The following CPS1 variants were observed in gnomAD, a reference collection of about 807,000 sequenced individuals.
The protein encoded by CPS1 is carbamoyl-phosphate synthase [ammonia], mitochondrial.
A neutral mutation model predicts 174.6 loss-of-function variants in CPS1; 109 were observed. The ratio of observed to expected loss-of-function variants is 0.62; its 90% CI spans 0.53 to 0.73. CPS1 has a LOEUF of 0.73. CPS1 is among the 30% of genes least tolerant of loss of function. The pLI, the probability that CPS1 is intolerant of heterozygous loss-of-function variation, is 0.00. For missense variants in CPS1, 1,689 were observed against 1,821.9 expected (o/e 0.93, Z 1.33); for synonymous variants, 637 against 632.0 (o/e 1.01, Z -0.12).
intron 1 of CPS1, among the ~76,000 whole-genome samples, chr2:210,512,171 C>G (rs1421969659): frequency 6.6e-6 from 1 of 151,986 alleles, no homozygotes; most frequent in African/African-American, 2.4e-5. Context: ...TTTATGTGTG[C>G]AAATATTTAC....
intron 1 of CPS1, among the ~76,000 whole-genome samples, chr2:210,508,914 G>A (rs904669116): frequency 1.7e-4 from 26 of 152,102 alleles, no homozygotes; most frequent in Non-Finnish European, 3.1e-4. Context: ...AAAAAGTCCG[G>A]GACCAGACAG....
At chr2:210,664,029 G>A (rs139891812) in intron 33 of CPS1, among the ~76,000 whole-genome samples, 1 of 152,174 alleles carries the variant, frequency 6.6e-6, no homozygotes, top group African/African-American at 2.4e-5. Context: ...TTACAAGCAA[G>A]ATCTGTGATG....
intron 21 of CPS1, among the ~76,000 whole-genome samples, chr2:210,630,103 A>AC (rs1553515509): frequency 1.3e-5 from 2 of 151,370 alleles, no homozygotes; most frequent in Non-Finnish European, 2.9e-5. Context: ...AAAAAAAAAA[A>AC]ACAAAACCAT....
intron 27 of CPS1, among the ~76,000 whole-genome samples, chr2:210,649,993 G>A (rs927525019): frequency 1.3e-5 from 2 of 152,194 alleles, no homozygotes; most frequent in Non-Finnish European, 2.9e-5. Context: ...ACAGGTTAGG[G>A]AAATCAGGTT....
chr2:210,613,068 G>T (rs1030014445), intron 20 of CPS1, among the ~76,000 whole-genome samples: 1 of 151,806 alleles, frequency 6.6e-6, no homozygotes, highest in Non-Finnish European at 1.5e-5. Context: ...GTATCAAACC[G>T]CACTGGTTCT....
intron 24 of CPS1, 129 bp downstream of exon 24, chr2:210,640,188 G>T: frequency 3.0e-6 from 2 of 667,460 alleles, no homozygotes; most frequent in Non-Finnish European, 5.0e-6. Context: ...AAATTAGGAA[G>T]CTGGGGTTCA....
intron 6 of CPS1, 112 bp from the exon 7 acceptor site, chr2:210,587,946 C>T: frequency 1.1e-6 from 1 of 947,392 alleles, no homozygotes; most frequent in Non-Finnish European, 1.7e-6. Flanking sequence ...TAGTAGTTAA[C>T]AATCAATCTG....
chr2:210,486,125 C>T (rs1271676466), intron 1 of CPS1, among the ~76,000 whole-genome samples: 3 of 92,918 alleles, frequency 3.2e-5, no homozygotes, highest in South Asian at 7.4e-4. Flanking sequence ...TACACACACA[C>T]ACACACACAC....
chr2:210,514,294 A>G (rs1228845071), intron 1 of CPS1, among the ~76,000 whole-genome samples: 1 of 152,006 alleles, frequency 6.6e-6, no homozygotes, highest in East Asian at 1.9e-4. Context: ...TTTTAATAAT[A>G]TTGATTCTTC....
chr2:210,628,875 ATATATT>A (rs1364698648), intron 21 of CPS1, among the ~76,000 whole-genome samples: 1 of 152,302 alleles, frequency 6.6e-6, no homozygotes, highest in East Asian at 1.9e-4. Context: ...ATATATTGAA[ATATATT>A]TATATATTTG....
chr2:210,558,996 A>C (rs977216699), intron 1 of CPS1, among the ~76,000 whole-genome samples: 1 of 152,112 alleles, frequency 6.6e-6, no homozygotes, highest in African/African-American at 2.4e-5. Context: ...ACTTCACAAT[A>C]GTGAATTAAA....
rs1182388031 is a variant in CPS1 at position 210,608,012 on chromosome 2, A to G, written c.2193-349A>G. Among the ~76,000 whole-genome samples, 3 of 152,006 alleles carry G rather than the reference A, an allele frequency of 2.0e-5. No individual in the cohort carries two copies. The East Asian group carries it at 5.9e-4, about 30-fold the overall frequency. On this transcript the variant is annotated intron_variant, in intron 18 of 37. Coordinates refer to ENST00000233072, the MANE Select transcript of CPS1 (RefSeq NM_001875.5). ...CAGATATGTATATATTTTCTCAAAA[A>G]ATATTTTGCAGATTCTCATCTTAGT...
In CPS1 at chr2:210,660,526, T is replaced by A. The variant is rs1375568844; in HGVS notation, c.3798T>A (p.Phe1266Leu). 6.2e-7 allele frequency: 1 copy of A among 1,614,166 alleles called. No individual in the cohort carries two copies. The highest frequency in any genetic ancestry group is 2.2e-5 in the East Asian group (1 of 44,866). The stretch of plus-strand genomic sequence containing the variant: ...TGAGAGCTTCTCGATCCTTCCCCTT[T>A]GTTTCCAAGACTCTTGGGGTTGACT... ...CNLRASRSFP[F>L]VSKTLGVDFI... Residue 1266 changes from phenylalanine (F) to leucine (L), a missense_variant, in exon 32 of 38, where the codon TTT becomes TTA. Coordinates refer to ENST00000233072, the MANE Select transcript of CPS1 (RefSeq NM_001875.5).
At chr2:210,489,009 A>G (rs1393124122) in intron 1 of CPS1, among the ~76,000 whole-genome samples, 2 of 152,170 alleles carry the variant, frequency 1.3e-5, no homozygotes, top group East Asian at 3.9e-4. Flanking sequence ...TAGAGGTACA[A>G]TAGATTATTA....
intron 25 of CPS1, 31 bp downstream of exon 25, chr2:210,642,696 AAAG>A (rs1700267134): frequency 6.3e-7 from 1 of 1,593,410 alleles, no homozygotes; most frequent in African/African-American, 1.3e-5. Context: ...AAAAAAGAAA[AAAG>A]AAGACAGATA....
At chr2:210,497,893 C>CATATAT (rs59178446) in intron 1 of CPS1, among the ~76,000 whole-genome samples, 1,712 of 86,796 alleles carry the variant, frequency 0.02, 112 homozygotes, top group East Asian at 0.19. Context: ...TATATACATA[C>CATATAT]ATATATATAT....
At chr2:210,528,562 A>AGAAGG (rs1046341032) in intron 1 of CPS1, among the ~76,000 whole-genome samples, 2 of 151,940 alleles carry the variant, frequency 1.3e-5, no homozygotes, top group African/African-American at 4.8e-5. Context: ...GGTAGCTCAA[A>AGAAGG]GAAGGGCTGG....
intron 1 of CPS1, among the ~76,000 whole-genome samples, chr2:210,559,053 G>A (rs12466705): frequency 0.2 from 30,898 of 151,954 alleles, 3,659 homozygotes; most frequent in Middle Eastern, 0.33. Context: ...TTCAGTTATT[G>A]TGAAATAGTC....
In CPS1 at chr2:210,648,686, G is replaced by A. The variant is rs1052512326; in HGVS notation, c.3404+146G>A. 24 of 749,092 alleles carry A rather than the reference G, an allele frequency of 3.2e-5. No individual in the cohort carries two copies. The African/African-American group carries it at 4.0e-4, about 12-fold the overall frequency. The allele number at this position is 749,092 out of a possible 1,614,324, so 46.4% of individuals were successfully genotyped here. ...TCCAAACCATCACAGCCAGTTTAAG[G>A]ACCAATGTGTGGTCTTCTAGTTTAA... On this transcript the variant is annotated intron_variant, in intron 27 of 37. Transcript: ENST00000233072.
Sources: allele counts gnomAD v4.1 joint callset (sites outside exome capture counted in the v4.1 genomes callset), GRCh38; gene constraint gnomAD v4.1.1; transcripts MANE v1.5; gene names NCBI Gene and HGNC (gene_info 2026-07-23, HGNC 2026-07-21).